LRP1B: variants seen among roughly 807,000 people sequenced by gnomAD.
LRP1B encodes low-density lipoprotein receptor-related protein 1B.
A neutral mutation model predicts 556.6 loss-of-function variants in LRP1B; 217 were observed. The ratio of observed to expected loss-of-function variants is 0.39; its 90% CI spans 0.35 to 0.44. LRP1B has a LOEUF of 0.44. Ranked by LOEUF, LRP1B falls within the 20% of genes least tolerant of loss-of-function variation. LRP1B has a pLI of 1.00. For synonymous variants in LRP1B, 2,047 were observed against 1,865.8 expected (o/e 1.10, Z -2.50); for missense variants, 5,053 against 5,620.8 (o/e 0.90, Z 3.23).
rs2105019859 is a variant in LRP1B, at chr2:140,541,789, G to A, written c.7377C>T (p.Asp2459=). The A allele has an allele frequency of 1.2e-6, 2 of 1,610,388 alleles. No homozygotes were observed. The highest frequency in any genetic ancestry group is 8.5e-7 in the Non-Finnish European group (1 of 1,177,498). Residue 2459 remains aspartate, a synonymous_variant, in exon 44 of 91, where the codon GAC becomes GAT. Coordinates refer to ENST00000389484, the MANE Select transcript of LRP1B (RefSeq NM_018557.3). ...QPMGIIAVAN[D]TNSCELSPCA... Reference sequence around the variant, plus strand: ...TCTATTATAACTTACAGCTATTGGTGTCATTGGCAACAGCTATGATTCCCA... The same window carrying A: ...TCTATTATAACTTACAGCTATTGGTATCATTGGCAACAGCTATGATTCCCA...
chr2:140,421,849 A>G (rs1205588059), intron 66 of LRP1B, among the ~76,000 whole-genome samples: 5 of 152,060 alleles, frequency 3.3e-5, no homozygotes, highest in Non-Finnish European at 1.5e-5. Context: ...GCTTCTAGTA[A>G]CTCTTGAGCT....
intron 2 of LRP1B, among the ~76,000 whole-genome samples, chr2:141,639,349 T>TATATACATACACAC (rs1262198983): frequency 1.4e-4 from 8 of 56,098 alleles, no homozygotes; most frequent in African/African-American, 4.7e-4. Context: ...TATATATATA[T>TATATACATACACAC]ACACACACAC....
Position 140,515,465 on chromosome 2 carries a change from C to A in LRP1B, c.8150-693G>T, listed in dbSNP as rs76312068. 3.6e-3 allele frequency among the ~76,000 whole-genome samples: 548 copies of A among 152,054 alleles called. 22 individuals carry two copies. In the East Asian group the frequency reaches 0.084, roughly 23 times the overall value. ...TGTTATTGCTCTCCTCCATTCCCAG[C>A]CTCCCCTTCTACCCAGTATATTTGT... On this transcript the variant is annotated intron_variant, in intron 50 of 90. Coordinates refer to ENST00000389484, the MANE Select transcript of LRP1B (RefSeq NM_018557.3).
chr2:141,917,476 A>C (rs573027148), intron 1 of LRP1B, among the ~76,000 whole-genome samples: 29 of 152,314 alleles, frequency 1.9e-4, no homozygotes, highest in African/African-American at 6.7e-4. Context: ...TTTTTTCTGG[A>C]ACATCACTCA....
chr2:140,391,105 T>A (rs184483960), intron 66 of LRP1B, among the ~76,000 whole-genome samples: 2 of 152,300 alleles, frequency 1.3e-5, no homozygotes, highest in African/African-American at 2.4e-5. Context: ...TTTCTGATTA[T>A]GATAAGCAAA....
At chr2:140,499,887 G>C (rs1380945998) in intron 55 of LRP1B, among the ~76,000 whole-genome samples, 2 of 151,882 alleles carry the variant, frequency 1.3e-5, no homozygotes, top group Non-Finnish European at 2.9e-5. Flanking sequence ...ATAATTATTT[G>C]TAATGGTATG....
chr2:141,405,739 A>G (rs1327874411), intron 3 of LRP1B, among the ~76,000 whole-genome samples: 1 of 152,146 alleles, frequency 6.6e-6, no homozygotes, highest in Non-Finnish European at 1.5e-5. Flanking sequence ...ATATAAGTAT[A>G]TATCTTGTTA....
At chr2:141,079,357 A>T (rs936583431) in intron 7 of LRP1B, among the ~76,000 whole-genome samples, 1 of 152,206 alleles carries the variant, frequency 6.6e-6, no homozygotes, top group Non-Finnish European at 1.5e-5. Context: ...GGACCACTGA[A>T]GTAACTGTAG....
At chr2:141,017,930 T>G (rs577309079) in intron 12 of LRP1B, among the ~76,000 whole-genome samples, 1 of 150,736 alleles carries the variant, frequency 6.6e-6, no homozygotes, top group South Asian at 2.1e-4. Flanking sequence ...GAGTCCAGGC[T>G]ATCGAGGCTG....
At chr2:141,180,782 A>G (rs1238264160) in intron 7 of LRP1B, among the ~76,000 whole-genome samples, 1 of 151,984 alleles carries the variant, frequency 6.6e-6, no homozygotes, top group Non-Finnish European at 1.5e-5. Flanking sequence ...AGAAGTTCAA[A>G]CAACCTTGGC....
intron 37 of LRP1B, among the ~76,000 whole-genome samples, chr2:140,703,331 AAAC>A (rs1686714021): frequency 6.6e-6 from 1 of 152,204 alleles, no homozygotes; most frequent in African/African-American, 2.4e-5. Context: ...TGCCAAAATA[AAAC>A]AACATGTCAT....
rs879699269 is a variant in LRP1B, at chr2:141,876,860, A to T, written c.83-66459T>A. 2.6e-5 allele frequency among the ~76,000 whole-genome samples: 4 copies of T among 152,052 alleles called. No homozygotes were observed. The South Asian group carries it at 6.2e-4, about 24-fold the overall frequency. ...CTATACCTGAAAACACGACTTGAAGATTCGATTAAAGTCTTGAGTACTTTA... is the reference window on the plus strand; with the variant it reads ...CTATACCTGAAAACACGACTTGAAGTTTCGATTAAAGTCTTGAGTACTTTA... On this transcript the variant is annotated intron_variant, in intron 1 of 90. Coordinates refer to ENST00000389484, the MANE Select transcript of LRP1B (RefSeq NM_018557.3).
intron 3 of LRP1B, among the ~76,000 whole-genome samples, chr2:141,376,482 A>G (rs1195828676): frequency 6.6e-6 from 1 of 151,752 alleles, no homozygotes; most frequent in Non-Finnish European, 1.5e-5. Flanking sequence ...CTCCTAGACA[A>G]TCTCTTCAAA....
chr2:140,518,306 G>T (rs5004994), intron 49 of LRP1B, among the ~76,000 whole-genome samples: 1 of 152,088 alleles, frequency 6.6e-6, no homozygotes, highest in Non-Finnish European at 1.5e-5. Context: ...GAAGTATTTA[G>T]GCTGACCCAT....
In LRP1B at chr2:141,865,398, C is replaced by T. The variant is rs577132759; in HGVS notation, c.83-54997G>A. ...ACGAGGTCAGGAGATCGAGACCATC[C>T]CGGCTAAAACGGTGAAACCCCGTCT... On this transcript the variant is annotated intron_variant, in intron 1 of 90. Transcript: ENST00000389484. 2.3e-3 allele frequency among the ~76,000 whole-genome samples: 346 copies of T among 151,420 alleles called. 3 individuals are homozygous for T. The highest frequency in any genetic ancestry group is 8.1e-3 in the African/African-American group (336 of 41,326).
intron 1 of LRP1B, among the ~76,000 whole-genome samples, chr2:142,043,448 G>A (rs552228355): frequency 6.6e-6 from 1 of 151,622 alleles, no homozygotes; most frequent in South Asian, 2.1e-4. Context: ...ACAGAAAGCA[G>A]CAATAAAGCA....
At chr2:140,592,100 A>C (rs1682250975) in intron 43 of LRP1B, among the ~76,000 whole-genome samples, 1 of 152,176 alleles carries the variant, frequency 6.6e-6, no homozygotes, top group African/African-American at 2.4e-5. Flanking sequence ...CATTCATTGT[A>C]AATTACTTTT....
intron 3 of LRP1B, among the ~76,000 whole-genome samples, chr2:141,419,560 T>C (rs1038022508): frequency 6.6e-5 from 10 of 152,168 alleles, no homozygotes; most frequent in Non-Finnish European, 1.2e-4. Flanking sequence ...CAATTTGTTG[T>C]TGCATAATTG....
At chr2:141,829,447 A>C (rs1243888125) in intron 1 of LRP1B, among the ~76,000 whole-genome samples, 1 of 152,098 alleles carries the variant, frequency 6.6e-6, no homozygotes, top group Non-Finnish European at 1.5e-5. Context: ...ACAAGGGACA[A>C]ATTTGTGTCT....
Sources: allele counts gnomAD v4.1 joint callset (sites outside exome capture counted in the v4.1 genomes callset), GRCh38; gene constraint gnomAD v4.1.1; transcripts MANE v1.5; gene names NCBI Gene and HGNC (gene_info 2026-07-23, HGNC 2026-07-21).